Variants in PLA2G4A observed in about 807,000 individuals in gnomAD.
PLA2G4A encodes the protein cytosolic phospholipase A2.
PLA2G4A carries 40 observed loss-of-function variants against 81.9 expected under a neutral mutation model. The ratio of observed to expected loss-of-function variants is 0.49; its 90% CI spans 0.38 to 0.64. The LOEUF is 0.64. Among genes scored for constraint, PLA2G4A ranks in the 30% least tolerant of loss-of-function variants. The pLI is 0.00. For missense variants in PLA2G4A, 715 were observed against 905.1 expected (o/e 0.79, Z 2.69); for synonymous variants, 302 against 296.9 (o/e 1.02, Z -0.18).
rs1463639016 is a variant in PLA2G4A, at chr1:186,940,002, G to C, written c.941G>C (p.Ser314Thr). ...IHNRMNTTLSSLKEKVNTAQC... is the reference protein window; with the variant it reads ...IHNRMNTTLSTLKEKVNTAQC... ...CAGAGAATGAATACTACTCTGAGCAGTTTGAAGGAAAAAGTTAATACTGCA... is the reference window on the plus strand; with the variant it reads ...CAGAGAATGAATACTACTCTGAGCACTTTGAAGGAAAAAGTTAATACTGCA... Residue 314 changes from serine to threonine, a missense_variant, in exon 10 of 18, where the codon AGT (serine) becomes ACT (threonine). Transcript: ENST00000367466. 3.8e-6 allele frequency: 6 copies of C among 1,576,524 alleles called. No individual in the cohort carries two copies. The highest frequency in any genetic ancestry group is 5.2e-6 in the Non-Finnish European group (6 of 1,145,970).
intron 15 of PLA2G4A, 95 bp from the exon 16 acceptor site, chr1:186,977,498 A>G: frequency 1.3e-6 from 1 of 779,566 alleles, no homozygotes; most frequent in South Asian, 1.5e-5. Context: ...TTGCTGGCAC[A>G]CAGTAGACAC....
intron 14 of PLA2G4A, among the ~76,000 whole-genome samples, chr1:186,962,405 C>T (rs1656981173): frequency 6.6e-6 from 1 of 151,702 alleles, no homozygotes; most frequent in African/African-American, 2.4e-5. Flanking sequence ...GGTTGAATTG[C>T]GATAAAATAC....
chr1:186,947,097 C>A (rs935782912), intron 12 of PLA2G4A, 136 bp downstream of exon 12: 6 of 617,506 alleles, frequency 9.7e-6, no homozygotes, highest in East Asian at 8.5e-5. Context: ...TTGAATCAAT[C>A]TAAATATTTC....
chr1:186,856,603 G>C (rs1453678258), intron 2 of PLA2G4A, among the ~76,000 whole-genome samples: 1 of 151,828 alleles, frequency 6.6e-6, no homozygotes, highest in Non-Finnish European at 1.5e-5. Context: ...TGTTGGCCAG[G>C]CTGGTATTGA....
At chr1:186,831,505 TGAAACATAATAA>T (rs1228674112) in intron 1 of PLA2G4A, among the ~76,000 whole-genome samples, 2 of 152,170 alleles carry the variant, frequency 1.3e-5, no homozygotes, top group African/African-American at 4.8e-5. Context: ...ATGCAGTAAG[TGAAACATAATAA>T]GAAAATCAGA....
chr1:186,919,328 TC>T (rs1435616092), intron 7 of PLA2G4A, among the ~76,000 whole-genome samples: 3 of 152,184 alleles, frequency 2.0e-5, no homozygotes, highest in African/African-American at 7.2e-5. Context: ...TGACCTGCTT[TC>T]TTTCTGACCC....
intron 7 of PLA2G4A, among the ~76,000 whole-genome samples, chr1:186,911,992 A>G (rs1193509895): frequency 6.6e-6 from 1 of 152,136 alleles, no homozygotes; most frequent in Non-Finnish European, 1.5e-5. Flanking sequence ...TAAAGGCAGG[A>G]GAAAAGGGAT....
At chr1:186,861,306 G>T (rs1207909568) in intron 2 of PLA2G4A, among the ~76,000 whole-genome samples, 1 of 152,118 alleles carries the variant, frequency 6.6e-6, no homozygotes, top group Non-Finnish European at 1.5e-5. Flanking sequence ...TCCTTAGAAC[G>T]CCGAGGAATC....
intron 4 of PLA2G4A, 71 bp from the exon 5 acceptor site, chr1:186,894,027 G>T: frequency 1.3e-6 from 1 of 762,438 alleles, no homozygotes; most frequent in South Asian, 1.4e-5. Flanking sequence ...TAAATGTGGT[G>T]GAAATTATAG....
chr1:186,839,593 C>T (rs185326669), intron 1 of PLA2G4A, among the ~76,000 whole-genome samples: 20 of 152,272 alleles, frequency 1.3e-4, no homozygotes, highest in Admixed American at 8.5e-4. Context: ...GCACAGTTCT[C>T]CAGCTTGCTA....
At chr1:186,938,912 TC>T in intron 8 of PLA2G4A, 95 bp from the exon 9 acceptor site, 1 of 751,174 alleles carries the variant, frequency 1.3e-6, no homozygotes, top group Non-Finnish European at 2.4e-6. Flanking sequence ...ACCAAATATG[TC>T]CACCATGCTT....
rs1043268023 is a variant in PLA2G4A at position 186,828,958 on chromosome 1, A to G, written c.-147A>G. 7 of 152,202 alleles carry G rather than the reference A, an allele frequency of 4.6e-5. No individual in the cohort carries two copies. Among genetic ancestry groups the G allele is most frequent in the Non-Finnish European group, 1.0e-4 (7 of 68,048 alleles). 9.4% of individuals were successfully genotyped at this position (152,202 alleles called of 1,614,324 possible). The stretch of plus-strand genomic sequence containing the variant: ...CATTTTAGCCCCTCCTACTCAGGAT[A>G]AGACTTTCTCTAAGTCCGGAGCTGA... On this transcript the variant is annotated 5_prime_UTR_variant, in exon 1 of 18. In the 5' UTR this introduces an upstream ATG that the reference lacks. Coordinates refer to ENST00000367466, the MANE Select transcript of PLA2G4A (RefSeq NM_024420.3).
chr1:186,983,634 C>T (rs1657799624), intron 17 of PLA2G4A, among the ~76,000 whole-genome samples: 3 of 152,198 alleles, frequency 2.0e-5, no homozygotes, highest in South Asian at 2.1e-4. Flanking sequence ...TTACTCAATT[C>T]TCCCAAATTC....
intron 2 of PLA2G4A, among the ~76,000 whole-genome samples, chr1:186,863,035 A>C (rs1376330430): frequency 6.6e-6 from 1 of 152,188 alleles, no homozygotes; most frequent in African/African-American, 2.4e-5. Context: ...CAGTTGTTTC[A>C]TTTCAATGTT....
chr1:186,917,650 C>T (rs1288647126), intron 7 of PLA2G4A, among the ~76,000 whole-genome samples: 1 of 152,148 alleles, frequency 6.6e-6, no homozygotes, highest in Admixed American at 6.5e-5. Flanking sequence ...CAGTCCAAAC[C>T]TAGGAATAAG....
At chr1:186,888,398 C>A (rs1384040607) in intron 3 of PLA2G4A, among the ~76,000 whole-genome samples, 1 of 152,124 alleles carries the variant, frequency 6.6e-6, no homozygotes, top group Non-Finnish European at 1.5e-5. Flanking sequence ...CTGGTGCCTT[C>A]CAAGGAACTT....
At chr1:186,940,886 T>A (rs918090579) in intron 10 of PLA2G4A, among the ~76,000 whole-genome samples, 2 of 152,074 alleles carry the variant, frequency 1.3e-5, no homozygotes, top group Non-Finnish European at 2.9e-5. Context: ...AAAGTTCTAG[T>A]GTATATTTGT....
intron 15 of PLA2G4A, among the ~76,000 whole-genome samples, chr1:186,972,822 CT>C (rs1223446934): frequency 6.6e-6 from 1 of 152,140 alleles, no homozygotes; most frequent in Admixed American, 6.6e-5. Flanking sequence ...TTAAACTGAT[CT>C]GCCTACATTT....
chr1:186,927,828 C>T (rs761032437), intron 7 of PLA2G4A, among the ~76,000 whole-genome samples: 10 of 152,154 alleles, frequency 6.6e-5, no homozygotes, highest in Non-Finnish European at 1.0e-4. Context: ...TAAGAGAAAT[C>T]AACCTTGAGT....
Sources: gnomAD v4.1 joint callset for allele counts (sites outside exome capture counted in the v4.1 genomes callset) on GRCh38, gnomAD v4.1.1 for gene constraint, MANE v1.5 for transcripts, NCBI Gene and HGNC (gene_info 2026-07-23, HGNC 2026-07-21) for gene names.